Variants in ZNF454 observed in about 807,000 individuals in gnomAD.
ZNF454 encodes zinc finger protein 454.
A neutral mutation model predicts 48.2 loss-of-function variants in ZNF454; 30 were observed. The observed-to-expected ratio is 0.62, with a 90% CI of 0.47 to 0.84. ZNF454 has a LOEUF of 0.84. ZNF454 is among the 40% of genes least tolerant of loss of function. ZNF454 has a pLI of 0.00. For missense variants in ZNF454, 510 were observed against 623.1 expected (o/e 0.82, Z 1.93); for synonymous variants, 204 against 211.4 (o/e 0.97, Z 0.30).
chr5:178,971,422 T>G (rs541110458), downstream of ZNF454, among the ~76,000 whole-genome samples: 1 of 152,266 alleles, frequency 6.6e-6, no homozygotes, highest in East Asian at 1.9e-4. Flanking sequence ...AGGTGCCTGG[T>G]GCTCGGCCCT....
At chr5:178,985,487 A>G in the ZNF454 span, 2 of 342,064 alleles carry the variant, frequency 5.8e-6, no homozygotes, top group Non-Finnish European at 1.1e-5. Flanking sequence ...GCGGATCACG[A>G]GGTCAGGAGA....
intron 4 of ZNF454, among the ~76,000 whole-genome samples, chr5:178,955,232 G>A (rs966818885): frequency 6.6e-6 from 1 of 152,176 alleles, no homozygotes. Flanking sequence ...AGGACCTCCT[G>A]CACAAAGTTG....
At chr5:178,943,051 C>A (rs111370998) in intron 2 of ZNF454, among the ~76,000 whole-genome samples, 31 of 152,192 alleles carry the variant, frequency 2.0e-4, no homozygotes, top group African/African-American at 5.8e-4. Flanking sequence ...ACAGCTGGGA[C>A]TGGAACCCAG....
intron 4 of ZNF454, among the ~76,000 whole-genome samples, chr5:178,964,224 C>T (rs901826354): frequency 1.3e-5 from 2 of 151,624 alleles, no homozygotes; most frequent in African/African-American, 2.4e-5. Context: ...GGGTTCACAC[C>T]ATTCTCCTGC....
Position 178,946,425 on chromosome 5 carries a change from G to T in ZNF454, c.100G>T (p.Ala34Ser). 2 of 1,612,934 alleles carry T rather than the reference G, an allele frequency of 1.2e-6. No individual in the cohort carries two copies. The highest frequency in any genetic ancestry group is 1.7e-6 in the Non-Finnish European group (2 of 1,179,554). The change falls in exon 3 of 5, where the codon GCC (alanine) becomes TCC (serine). Residue 34 changes from alanine (A) to serine (S), a missense_variant. By Grantham distance (99) the Ala-to-Ser change is moderately conservative. Around this residue, in one of 3 missense-constraint regions of ZNF454, gnomAD observed 354 missense variants for 408.9 expected, o/e 0.87. Coordinates refer to ENST00000519564, the MANE Select transcript of ZNF454 (RefSeq NM_001178089.3). The surrounding 1 kb of genome is among the most constrained non-coding windows in gnomAD (Gnocchi z 4.5). Reference protein sequence around the residue: ...TQEEWGQLSPAQRALYRDVML... With the variant: ...TQEEWGQLSPSQRALYRDVML... ...GGAAGAGTGGGGGCAGCTGAGCCCCGCCCAGAGGGCCCTGTACAGGGACGT... is the reference window on the plus strand; with the variant it reads ...GGAAGAGTGGGGGCAGCTGAGCCCCTCCCAGAGGGCCCTGTACAGGGACGT...
intron 4 of ZNF454, among the ~76,000 whole-genome samples, chr5:178,959,806 C>T (rs979395741): frequency 6.6e-6 from 1 of 151,948 alleles, no homozygotes; most frequent in Non-Finnish European, 1.5e-5. Flanking sequence ...GGGGTTTCAC[C>T]GTGTTAGCCA....
At chr5:178,964,153 C>T (rs1213825173) in intron 4 of ZNF454, among the ~76,000 whole-genome samples, 2 of 150,770 alleles carry the variant, frequency 1.3e-5, no homozygotes. Context: ...CGGAGTCTCA[C>T]TCTGTCACCC....
Position 178,946,367 on chromosome 5 carries a change from G to A in ZNF454, c.42G>A (p.Val14=). Residue 14 remains valine, a synonymous_variant, in exon 3 of 5, where the codon GTG becomes GTA. Transcript: ENST00000519564. The surrounding 1 kb of genome is among the most constrained non-coding windows in gnomAD (Gnocchi z 4.5). ...SHLPTMVQES[V]TFKDVAILFT... is the part of the protein sequence containing the mutation. Reference sequence around the variant, plus strand: ...TGAATTTGCTGTTGCAGGAATCGGTGACCTTCAAGGATGTGGCTATACTGT... The same window carrying A: ...TGAATTTGCTGTTGCAGGAATCGGTAACCTTCAAGGATGTGGCTATACTGT... 1.2e-6 allele frequency: 2 copies of A among 1,611,526 alleles called. No homozygotes were observed. Among genetic ancestry groups the A allele is most frequent in the East Asian group, 2.2e-5 (1 of 44,736 alleles).
chr5:178,944,266 A>C lies in ZNF454; in HGVS notation c.33+1442A>C, dbSNP rs564574495. Among the ~76,000 whole-genome samples the C allele has an allele frequency of 3.9e-5, 6 of 152,212 alleles. No individual in the cohort carries two copies. The South Asian group carries it at 1.2e-3, about 32-fold the overall frequency. On this transcript the variant is annotated intron_variant, in intron 2 of 4. Coordinates refer to ENST00000519564, the MANE Select transcript of ZNF454 (RefSeq NM_001178089.3). This position sits in a 1 kb window ranked among gnomAD's most constrained non-coding sequence, Gnocchi z 4.1. ...TCCTCCTCTTGGCTTCTGACTTGTC[A>C]CTTAGGACCCTTCTCATGCACCACT... is the stretch of plus-strand genomic sequence containing the variant.
At chr5:178,976,100 T>C in the ZNF454 span, 7 of 455,560 alleles carry the variant, frequency 1.5e-5, no homozygotes, top group East Asian at 2.1e-4. Flanking sequence ...GGCCTTGCAC[T>C]TGCCACTCCG....
At chr5:178,943,100 A>C (rs896533892) in intron 2 of ZNF454, among the ~76,000 whole-genome samples, 1 of 152,216 alleles carries the variant, frequency 6.6e-6, no homozygotes, top group African/African-American at 2.4e-5. Context: ...TTTCACTAGC[A>C]AGTAAGATTA....
intron 4 of ZNF454, among the ~76,000 whole-genome samples, chr5:178,964,438 C>T (rs1760082761): frequency 6.6e-6 from 1 of 152,104 alleles, no homozygotes. Context: ...CTTCTAAGAT[C>T]ATGCTTCCAA....
the ZNF454 span, among the ~76,000 whole-genome samples, chr5:178,977,592 CAG>C: frequency 7.0e-3 from 1,037 of 147,214 alleles, 4 homozygotes; most frequent in Non-Finnish European, 8.7e-3. Flanking sequence ...TTTTTGGAGA[CAG>C]AGTTTTTCTT....
At chr5:178,971,360 C>A (rs756405177), downstream of ZNF454, among the ~76,000 whole-genome samples, 35 of 152,154 alleles carry the variant, frequency 2.3e-4, no homozygotes, top group South Asian at 2.9e-3. Flanking sequence ...TTTAGACTGG[C>A]TAGTTTGTGT....
the ZNF454 span, chr5:178,977,513 G>C: frequency 5.6e-6 from 2 of 355,698 alleles, no homozygotes; most frequent in African/African-American, 4.3e-5. Context: ...AGCCTGAATA[G>C]AGTAAAACAG....
chr5:178,977,539 G>T, the ZNF454 span: 1 of 243,888 alleles, frequency 4.1e-6, no homozygotes, highest in Non-Finnish European at 8.7e-6. Context: ...CACAAATGAA[G>T]TGATGAGGCT....
downstream of ZNF454, chr5:178,968,794 C>T (rs758665191): frequency 1.5e-5 from 7 of 456,716 alleles, 1 homozygote; most frequent in East Asian, 1.4e-4. Flanking sequence ...CTGTAATGAA[C>T]GCATGAGAAC....
chr5:178,969,115 A>T (rs754854204), downstream of ZNF454, among the ~76,000 whole-genome samples: 1 of 152,184 alleles, frequency 6.6e-6, no homozygotes, highest in Non-Finnish European at 1.5e-5. Context: ...TTGGCCAGGC[A>T]GTGGCTTTAC....
At chr5:178,975,632 A>G in the ZNF454 span, 2 of 367,342 alleles carry the variant, frequency 5.4e-6, no homozygotes. Flanking sequence ...ACCCCGAGTA[A>G]ATTAAAGTCC....
Sources: allele counts gnomAD v4.1 joint callset (sites outside exome capture counted in the v4.1 genomes callset), GRCh38; gene constraint gnomAD v4.1.1; regional missense constraint gnomAD v4.1.1; non-coding constraint Gnocchi (gnomAD v3.1); transcripts MANE v1.5; gene names NCBI Gene and HGNC (gene_info 2026-07-23, HGNC 2026-07-21).